Variants in PIBF1 observed in about 807,000 individuals in gnomAD.
PIBF1 encodes progesterone immunomodulatory binding factor 1.
In PIBF1, 90 loss-of-function variants were observed where a neutral mutation model predicts 112.5. That is an observed-to-expected ratio of 0.80 (90% CI 0.67 to 0.95). The LOEUF (loss-of-function observed/expected upper bound fraction) is 0.95. PIBF1 is among the 40% of genes least tolerant of loss of function. PIBF1 has a pLI of 0.00. For missense variants in PIBF1, 915 were observed against 852.3 expected, an observed-to-expected ratio of 1.07 and a Z score of -0.92; for synonymous variants, 301 against 288.6, an observed-to-expected ratio of 1.04 and a Z score of -0.44.
At chr13:72,796,980 A>G (rs748307096) in intron 4 of PIBF1, among the ~76,000 whole-genome samples, 1 of 152,156 alleles carries the variant, frequency 6.6e-6, no homozygotes, top group Non-Finnish European at 1.5e-5. Context: ...GCATGCCTAT[A>G]TGATAGCCCC....
intron 5 of PIBF1, among the ~76,000 whole-genome samples, chr13:72,798,899 C>A (rs1036825574): frequency 6.6e-6 from 1 of 152,174 alleles, no homozygotes; most frequent in Non-Finnish European, 1.5e-5. Flanking sequence ...TTATTACTTA[C>A]GTGGCTTCTT....
rs865936350 is a variant in PIBF1 at position 72,996,097 on chromosome 13, G to T, written c.2050-2725G>T. On this transcript the variant is annotated intron_variant, in intron 16 of 17. Coordinates refer to ENST00000326291, the MANE Select transcript of PIBF1 (RefSeq NM_006346.4). ...ACAAAAAAAAAAAAGCGGGGGGGGG[G>T]GGTCATAAACAAAGTCAAGTAAGAG... Among the ~76,000 whole-genome samples, 12 of 112,714 alleles carry T rather than the reference G, an allele frequency of 1.1e-4. 1 individual carries two copies. Among genetic ancestry groups the T allele is most frequent in the South Asian group, 3.6e-4 (1 of 2,772 alleles). 73.9% of individuals were successfully genotyped at this position (112,714 alleles called of 152,430 possible). A position where few individuals can be genotyped will look rare whatever the true frequency, so the allele number is the denominator to read the frequency against.
intron 13 of PIBF1, among the ~76,000 whole-genome samples, chr13:72,921,988 A>T (rs868135641): frequency 1.3e-5 from 2 of 152,166 alleles, no homozygotes; most frequent in South Asian, 4.1e-4. Flanking sequence ...TTTCTTTAGT[A>T]TCAGTCCATT....
intron 4 of PIBF1, among the ~76,000 whole-genome samples, chr13:72,797,144 A>G (rs1337135394): frequency 6.6e-6 from 1 of 152,180 alleles, no homozygotes; most frequent in Non-Finnish European, 1.5e-5. Flanking sequence ...GATGTGAAAG[A>G]TACCTCTTGA....
intron 10 of PIBF1, chr13:72,884,701 C>T (rs1385790124): frequency 2.0e-5 from 3 of 151,972 alleles, no homozygotes; most frequent in Admixed American, 1.3e-4. Flanking sequence ...AACTTTTAAA[C>T]TTTCTCATTT....
In PIBF1 at chr13:72,885,603, A is replaced by G. The variant is rs192325566; in HGVS notation, c.1323-8181A>G. 8.5e-5 allele frequency among the ~76,000 whole-genome samples: 13 copies of G among 152,266 alleles called. No individual in the cohort carries two copies. The East Asian group carries it at 2.3e-3, about 27-fold the overall frequency. ...AAGATGGATTAGACAAGATTCCTGC[A>G]CTGAAGTAACTTGTATTTTAATTGT... is the stretch of plus-strand genomic sequence containing the variant. On this transcript the variant is annotated intron_variant, in intron 10 of 17. Coordinates refer to ENST00000326291, the MANE Select transcript of PIBF1 (RefSeq NM_006346.4).
intron 5 of PIBF1, among the ~76,000 whole-genome samples, chr13:72,807,408 C>T (rs1214168371): frequency 6.6e-6 from 1 of 152,052 alleles, no homozygotes; most frequent in Non-Finnish European, 1.5e-5. Flanking sequence ...AACTCCGTCT[C>T]TATTAAAAAT....
intron 10 of PIBF1, among the ~76,000 whole-genome samples, chr13:72,882,615 T>A (rs1035947703): frequency 6.6e-6 from 1 of 152,146 alleles, no homozygotes; most frequent in Admixed American, 6.5e-5. Flanking sequence ...ATCCAATTTT[T>A]AAATGGGCAA....
chr13:73,001,200 G>A (rs1350751370), intron 17 of PIBF1, among the ~76,000 whole-genome samples: 2 of 152,082 alleles, frequency 1.3e-5, no homozygotes, highest in Admixed American at 1.3e-4. Context: ...TTTTATTCTA[G>A]CATGCTATGA....
rs2036480319 is a variant in PIBF1 at position 72,820,095 on chromosome 13, A to G, written c.673-1754A>G. ...GGAAGCATTATAACAATATTAATTT[A>G]TAGTTAATCAGCATTTACTACGTTA... On this transcript the variant is annotated intron_variant, in intron 5 of 17. Coordinates refer to ENST00000326291, the MANE Select transcript of PIBF1 (RefSeq NM_006346.4). Among the ~76,000 whole-genome samples, 4 of 152,294 alleles carry G rather than the reference A, an allele frequency of 2.6e-5. 1 individual carries two copies. In the South Asian group the frequency reaches 8.3e-4, roughly 32 times the overall value.
intron 14 of PIBF1, among the ~76,000 whole-genome samples, chr13:72,951,150 A>G (rs934560568): frequency 1.3e-5 from 2 of 152,266 alleles, no homozygotes. Flanking sequence ...GTGTACACAC[A>G]CATCAGTGCA....
chr13:72,901,061 A>G (rs550261269), intron 11 of PIBF1: 1 of 444,944 alleles, frequency 2.2e-6, no homozygotes, highest in Admixed American at 2.5e-5. Flanking sequence ...AACAAAAGCT[A>G]AATAGCTGGG....
At chr13:72,785,186 T>C (rs888003775) in intron 2 of PIBF1, among the ~76,000 whole-genome samples, 3 of 152,108 alleles carry the variant, frequency 2.0e-5, no homozygotes, top group Non-Finnish European at 2.9e-5. Flanking sequence ...GAAAAAAAAA[T>C]AAGCACACAA....
intron 3 of PIBF1, among the ~76,000 whole-genome samples, chr13:72,794,301 T>C (rs1258676493): frequency 1.3e-5 from 2 of 152,088 alleles, no homozygotes; most frequent in African/African-American, 2.4e-5. Flanking sequence ...AGACAATAAT[T>C]ATAGACAACT....
chr13:73,000,546 T>G (rs959102656), intron 17 of PIBF1, among the ~76,000 whole-genome samples: 2 of 152,132 alleles, frequency 1.3e-5, no homozygotes, highest in Non-Finnish European at 2.9e-5. Context: ...GGGCAGAGAT[T>G]GTGGCAGACA....
intron 6 of PIBF1, among the ~76,000 whole-genome samples, chr13:72,822,599 A>G (rs911461882): frequency 3.9e-5 from 6 of 152,182 alleles, no homozygotes; most frequent in Admixed American, 3.3e-4. Context: ...AAGCCTTTAA[A>G]TATATATGTA....
chr13:72,988,607 G>A (rs1445363623), intron 16 of PIBF1, among the ~76,000 whole-genome samples: 1 of 152,148 alleles, frequency 6.6e-6, no homozygotes, highest in Non-Finnish European at 1.5e-5. Flanking sequence ...AGCATTTAGA[G>A]TGTAGAATGG....
intron 10 of PIBF1, among the ~76,000 whole-genome samples, chr13:72,884,288 T>C (rs1304246763): frequency 6.6e-6 from 1 of 152,226 alleles, no homozygotes; most frequent in African/African-American, 2.4e-5. Flanking sequence ...TCAAGTTTCC[T>C]CTTAGTATAA....
At chr13:72,808,142 G>T (rs2035829024) in intron 5 of PIBF1, among the ~76,000 whole-genome samples, 1 of 149,148 alleles carries the variant, frequency 6.7e-6, no homozygotes, top group Non-Finnish European at 1.5e-5. Flanking sequence ...GGTTTTTTGT[G>T]TGGACATGTT....
Sources: gnomAD v4.1 joint callset for allele counts (sites outside exome capture counted in the v4.1 genomes callset) on GRCh38, gnomAD v4.1.1 for gene constraint, MANE v1.5 for transcripts, NCBI Gene and HGNC (gene_info 2026-07-23, HGNC 2026-07-21) for gene names.